Variants in POU2AF2 observed in about 807,000 individuals in gnomAD.
POU2AF2 encodes the protein POU class 2 homeobox associating factor 2, also known as POU domain class 2-associating factor 2.
chr11:111,255,771 T>C, the POU2AF2 span, among the ~76,000 whole-genome samples: 35 of 152,278 alleles, frequency 2.3e-4, no homozygotes, highest in Non-Finnish European at 4.4e-4. Context: ...GAACAGTGTT[T>C]CTGTCACTTA....
the POU2AF2 span, among the ~76,000 whole-genome samples, chr11:111,264,597 A>AG: frequency 6.7e-6 from 1 of 149,446 alleles, no homozygotes. Flanking sequence ...AGACAGAAAG[A>AG]AGAAAGAGAC....
the POU2AF2 span, among the ~76,000 whole-genome samples, chr11:111,282,322 T>C: frequency 6.6e-6 from 1 of 152,306 alleles, no homozygotes; most frequent in East Asian, 1.9e-4. Flanking sequence ...AACAGAACCT[T>C]ATTTATTTAT....
At chr11:111,249,072 C>A in the POU2AF2 span, among the ~76,000 whole-genome samples, 2 of 152,156 alleles carry the variant, frequency 1.3e-5, no homozygotes, top group Non-Finnish European at 2.9e-5. Context: ...TTTCCAAATT[C>A]TACAGGATGA....
chr11:111,246,465 G>T, the POU2AF2 span, among the ~76,000 whole-genome samples: 1 of 152,074 alleles, frequency 6.6e-6, no homozygotes, highest in African/African-American at 2.4e-5. Context: ...ACCTGTTCGC[G>T]AACAAATTTA....
the POU2AF2 span, among the ~76,000 whole-genome samples, chr11:111,276,583 C>A: frequency 7.0e-6 from 1 of 143,384 alleles, no homozygotes; most frequent in African/African-American, 2.6e-5. Flanking sequence ...CGGAGGTTGC[C>A]GTGAGCTGAG....
At chr11:111,270,314 T>C in the POU2AF2 span, among the ~76,000 whole-genome samples, 2 of 152,236 alleles carry the variant, frequency 1.3e-5, no homozygotes, top group African/African-American at 4.8e-5. Flanking sequence ...AATCCCTTCC[T>C]GAGAGAGAAT....
the POU2AF2 span, among the ~76,000 whole-genome samples, chr11:111,270,734 A>G: frequency 1.3e-5 from 2 of 152,346 alleles, 1 homozygote; most frequent in East Asian, 3.9e-4. Flanking sequence ...AAAGAGGAAG[A>G]GAGCCCTGGA....
the POU2AF2 span, among the ~76,000 whole-genome samples, chr11:111,264,516 G>T: frequency 8.1e-5 from 4 of 49,592 alleles, 1 homozygote; most frequent in African/African-American, 3.2e-4. Context: ...AAGAAAGAAA[G>T]AAAGAAAGAA....
At chr11:111,285,953 G>T in the POU2AF2 span, 1 of 1,614,084 alleles carries the variant, frequency 6.2e-7, no homozygotes, top group East Asian at 2.2e-5. Context: ...ACTCTCCCCA[G>T]ATGAGGAAGC....
chr11:111,257,817 G>A, the POU2AF2 span, among the ~76,000 whole-genome samples: 9 of 152,176 alleles, frequency 5.9e-5, no homozygotes, highest in Admixed American at 2.6e-4. Context: ...CCTGGGGTGT[G>A]TGATAAAAAT....
chr11:111,263,979 A>T, the POU2AF2 span, among the ~76,000 whole-genome samples: 21 of 152,332 alleles, frequency 1.4e-4, no homozygotes, highest in African/African-American at 3.6e-4. Flanking sequence ...GCTATTAAAC[A>T]CTCAACTGCA....
the POU2AF2 span, chr11:111,245,958 A>G: frequency 7.6e-6 from 3 of 396,310 alleles, no homozygotes; most frequent in Non-Finnish European, 1.3e-5. Context: ...AAGGTTAAGG[A>G]GAAATCTCCT....
the POU2AF2 span, among the ~76,000 whole-genome samples, chr11:111,280,057 AATATAT>A: frequency 0.016 from 1,236 of 76,510 alleles, 23 homozygotes; most frequent in Middle Eastern, 0.027. Flanking sequence ...AAAAAAAAAA[AATATAT>A]ATATATATAT....
At chr11:111,283,125 A>G in the POU2AF2 span, among the ~76,000 whole-genome samples, 12 of 122,852 alleles carry the variant, frequency 9.8e-5, no homozygotes, top group African/African-American at 3.5e-4. Context: ...TGCAACCTCC[A>G]CCTCCCGGGT....
the POU2AF2 span, among the ~76,000 whole-genome samples, chr11:111,252,070 C>T: frequency 6.6e-6 from 1 of 152,176 alleles, no homozygotes; most frequent in South Asian, 2.1e-4. Context: ...AATTAAAAAG[C>T]ACTTTAAAAA....
At chr11:111,276,453 A>AAAAATAT in the POU2AF2 span, among the ~76,000 whole-genome samples, 85 of 37,578 alleles carry the variant, frequency 2.3e-3, 1 homozygote, top group East Asian at 3.7e-3. Context: ...AAAAAAAAAA[A>AAAAATAT]ATATATATAT....
chr11:111,282,186 A>G, the POU2AF2 span, among the ~76,000 whole-genome samples: 1 of 152,174 alleles, frequency 6.6e-6, no homozygotes, highest in East Asian at 1.9e-4. Context: ...CCATGCTAAG[A>G]GAGCAGAGGC....
chr11:111,280,059 T>A, the POU2AF2 span, among the ~76,000 whole-genome samples: 373 of 32,520 alleles, frequency 0.011, 4 homozygotes, highest in African/African-American at 0.021. Flanking sequence ...AAAAAAAAAA[T>A]ATATATATAT....
chr11:111,267,344 C>T, the POU2AF2 span, among the ~76,000 whole-genome samples: 1 of 152,148 alleles, frequency 6.6e-6, no homozygotes, highest in African/African-American at 2.4e-5. Context: ...TGGCACCTGG[C>T]CCTCTCTGTC....
Sources: allele counts gnomAD v4.1 joint callset (sites outside exome capture counted in the v4.1 genomes callset), GRCh38; gene constraint gnomAD v4.1.1; transcripts MANE v1.5; gene names NCBI Gene and HGNC (gene_info 2026-07-23, HGNC 2026-07-21).